The following COG6 variants were observed in gnomAD, a reference collection of about 807,000 sequenced individuals.
COG6 encodes component of oligomeric golgi complex 6, also known as conserved oligomeric Golgi complex subunit 6.
In COG6, 74 loss-of-function variants were observed where a neutral mutation model predicts 88.8. The observed-to-expected ratio is 0.83, with a 90% confidence interval of 0.69 to 1.01. The LOEUF (loss-of-function observed/expected upper bound fraction) is 1.01, where lower values mean the gene tolerates loss of function less well. COG6 is among the 50% of genes least tolerant of loss of function. The pLI is 0.00. For missense variants in COG6, 800 were observed against 797.9 expected (o/e 1.00, Z -0.03); for synonymous variants, 286 against 278.7 (o/e 1.03, Z -0.26).
At chr13:39,726,339 A>T (rs1434590449) in intron 17 of COG6, among the ~76,000 whole-genome samples, 1 of 152,000 alleles carries the variant, frequency 6.6e-6, no homozygotes, top group Non-Finnish European at 1.5e-5. Context: ...ATGAAAACAG[A>T]TATGATCTAG....
At chr13:39,677,801 T>G (rs1430158139) in intron 5 of COG6, among the ~76,000 whole-genome samples, 2 of 152,200 alleles carry the variant, frequency 1.3e-5, no homozygotes, top group Non-Finnish European at 2.9e-5. Flanking sequence ...TGTCACCTAT[T>G]TTACTCTTCC....
At chr13:39,741,329 G>A (rs770718718) in intron 18 of COG6, among the ~76,000 whole-genome samples, 4 of 152,040 alleles carry the variant, frequency 2.6e-5, no homozygotes, top group Non-Finnish European at 5.9e-5. Flanking sequence ...GAGGATGTTC[G>A]AACCCATTGC....
At chr13:39,737,292 GC>G (rs1879814397) in intron 18 of COG6, among the ~76,000 whole-genome samples, 1 of 152,058 alleles carries the variant, frequency 6.6e-6, no homozygotes, top group Non-Finnish European at 1.5e-5. Flanking sequence ...ATTGGGTCTT[GC>G]CCAAGGCCCA....
At chr13:39,672,139 A>C (rs1875684850) in intron 4 of COG6, among the ~76,000 whole-genome samples, 2 of 152,034 alleles carry the variant, frequency 1.3e-5, no homozygotes, top group South Asian at 4.1e-4. Context: ...ATATATACTT[A>C]ACTAAATGTT....
chr13:39,694,202 G>A (rs1877130968), intron 11 of COG6, among the ~76,000 whole-genome samples: 1 of 151,838 alleles, frequency 6.6e-6, no homozygotes, highest in Non-Finnish European at 1.5e-5. Flanking sequence ...ATAGACAAAC[G>A]ATATAATAAT....
chr13:39,695,144 A>G (rs1430482604), intron 12 of COG6, among the ~76,000 whole-genome samples: 1 of 151,608 alleles, frequency 6.6e-6, no homozygotes, highest in East Asian at 1.9e-4. Context: ...ATAACCTACC[A>G]TGTACTCACA....
Position 39,752,428 on chromosome 13 carries a change from A to G in COG6, c.*1335A>G. 1.9e-6 allele frequency: 2 copies of G among 1,045,718 alleles called. No homozygotes were observed. Among genetic ancestry groups the G allele is most frequent in the Non-Finnish European group, 1.3e-6 (1 of 790,198 alleles). 64.8% of individuals were successfully genotyped at this position (1,045,718 alleles called of 1,614,324 possible). A position where few individuals can be genotyped will look rare whatever the true frequency, so the allele number is the denominator to read the frequency against. ...GTTATCCATTTGGGTATAAATCTGTATTTTTAGTTTTTTCCCTTTGATTAG... is the reference window on the plus strand; with the variant it reads ...GTTATCCATTTGGGTATAAATCTGTGTTTTTAGTTTTTTCCCTTTGATTAG... On this transcript the variant is annotated 3_prime_UTR_variant, in exon 19 of 19. Transcript: ENST00000455146.
chr13:39,780,196 G>A (rs193103340), intron 18 of COG6, among the ~76,000 whole-genome samples: 59 of 152,248 alleles, frequency 3.9e-4, no homozygotes, highest in Non-Finnish European at 5.7e-4. Context: ...AAGTACAGCC[G>A]TCACACCAAC....
At position 39,761,587 on chromosome 13, in the gene COG6, T is replaced by G. The variant is rs552087102; in HGVS notation, c.1827-26748T>G. On this transcript the variant is annotated intron_variant, in intron 18 of 18. Transcript: ENST00000416691. ...ACAGTAAAAGAAATAATCAATAGAG[T>G]GAAGAGACAACCTTCAGAAGATATT... Among the ~76,000 whole-genome samples the G allele has an allele frequency of 2.6e-5, 4 of 151,586 alleles. No individual in the cohort carries two copies. The East Asian group carries it at 7.7e-4, about 29-fold the overall frequency.
intron 18 of COG6, among the ~76,000 whole-genome samples, chr13:39,775,757 A>G (rs531616368): frequency 1.6e-3 from 248 of 152,164 alleles, no homozygotes; most frequent in Non-Finnish European, 2.0e-3. Context: ...AATCTTTCAG[A>G]GATACATCTG....
intron 18 of COG6, among the ~76,000 whole-genome samples, chr13:39,748,240 A>G (rs1880443069): frequency 6.6e-6 from 1 of 152,228 alleles, no homozygotes. Flanking sequence ...GTTTTTAATG[A>G]AAAATAATTT....
chr13:39,760,048 G>A lies in COG6; in HGVS notation c.1827-28287G>A, dbSNP rs960471619. ...ATTAATTTACTTAAATATGTTCTTTGTTTCCATCAATGTCAACATCTGAAA... is the reference window on the plus strand; with the variant it reads ...ATTAATTTACTTAAATATGTTCTTTATTTCCATCAATGTCAACATCTGAAA... On this transcript the variant is annotated intron_variant, in intron 18 of 18. Coordinates refer to the COG6 transcript ENST00000416691. 5.9e-5 allele frequency among the ~76,000 whole-genome samples: 9 copies of A among 152,220 alleles called. 1 individual carries two copies. Among genetic ancestry groups the A allele is most frequent in the African/African-American group, 1.9e-4 (8 of 41,548 alleles).
At chr13:39,715,707 A>T (rs1878490565) in intron 13 of COG6, among the ~76,000 whole-genome samples, 1 of 152,084 alleles carries the variant, frequency 6.6e-6, no homozygotes, top group Admixed American at 6.6e-5. Flanking sequence ...TTTTAAAAAC[A>T]AATGGAAACA....
At chr13:39,732,277 CT>C (rs1328492253) in intron 18 of COG6, among the ~76,000 whole-genome samples, 17 of 152,300 alleles carry the variant, frequency 1.1e-4, no homozygotes, top group Non-Finnish European at 2.1e-4. Flanking sequence ...AAATTATCAA[CT>C]TGATCTGTAA....
At chr13:39,681,343 C>A (rs1876303075) in intron 7 of COG6, among the ~76,000 whole-genome samples, 1 of 152,162 alleles carries the variant, frequency 6.6e-6, no homozygotes, top group African/African-American at 2.4e-5. Flanking sequence ...GCCTTTCTCT[C>A]ATTGCATCTC....
chr13:39,758,502 A>G, intron 18 of COG6, among the ~76,000 whole-genome samples: 1 of 152,238 alleles, frequency 6.6e-6, no homozygotes, highest in Non-Finnish European at 1.5e-5. Context: ...GATCAGCATC[A>G]TTAGTCATTA....
chr13:39,668,651 G>A (rs1183831701), intron 4 of COG6, among the ~76,000 whole-genome samples: 5 of 151,990 alleles, frequency 3.3e-5, no homozygotes, highest in African/African-American at 1.2e-4. Context: ...AGCCGGGCGT[G>A]GTGGCGGGCA....
chr13:39,694,792 T>A lies in COG6; in HGVS notation c.1166+67T>A. The A allele has an allele frequency of 5.6e-6, 5 of 890,150 alleles. No homozygotes were observed. In the South Asian group the frequency reaches 7.4e-5, roughly 13 times the overall value. 55.1% of individuals were successfully genotyped at this position (890,150 alleles called of 1,614,324 possible). ...TATTTCTTTCAGTTAGAGCACAGTA[T>A]AAGATTTTTTTTTATATTGTGTATA... On this transcript the variant is annotated intron_variant, in intron 12 of 18. Transcript: ENST00000455146.
chr13:39,758,369 T>G (rs1412505561), intron 18 of COG6, among the ~76,000 whole-genome samples: 1 of 152,120 alleles, frequency 6.6e-6, no homozygotes, highest in African/African-American at 2.4e-5. Flanking sequence ...ATAATAATTT[T>G]GGGGCATCAA....
Sources: gnomAD v4.1 joint callset for allele counts (sites outside exome capture counted in the v4.1 genomes callset) on GRCh38, gnomAD v4.1.1 for gene constraint, MANE v1.5 for transcripts, NCBI Gene and HGNC (gene_info 2026-07-23, HGNC 2026-07-21) for gene names.